The following FERRY3 variants were observed in gnomAD, a reference collection of about 807,000 sequenced individuals.
FERRY3 encodes the protein FERRY endosomal RAB5 effector complex subunit 3.
At chr12:4,490,512 G>T in the FERRY3 span, 22 of 1,590,820 alleles carry the variant, frequency 1.4e-5, 2 homozygotes, top group Middle Eastern at 1.2e-3. Flanking sequence ...GATCTATTCA[G>T]ATAACATACC....
chr12:4,502,466 T>A, the FERRY3 span: 1 of 446,758 alleles, frequency 2.2e-6, no homozygotes, highest in South Asian at 1.6e-5. This position sits in a 1 kb window ranked among gnomAD's most constrained non-coding sequence, Gnocchi z 4.2. Context: ...CTCATCAGCT[T>A]GTATTTTCTG....
the FERRY3 span, chr12:4,518,769 C>A: frequency 6.6e-7 from 1 of 1,504,510 alleles, no homozygotes; most frequent in Non-Finnish European, 9.1e-7. Flanking sequence ...AATTAACACA[C>A]TTACCTAAGT....
the FERRY3 span, among the ~76,000 whole-genome samples, chr12:4,524,514 G>GAAA: frequency 8.2e-6 from 1 of 121,520 alleles, no homozygotes. Flanking sequence ...GGTACACAAC[G>GAAA]AAAAAAAAAA....
the FERRY3 span, among the ~76,000 whole-genome samples, chr12:4,493,124 T>C: frequency 6.6e-6 from 1 of 152,188 alleles, no homozygotes; most frequent in Non-Finnish European, 1.5e-5. Context: ...TATTTCCTAT[T>C]TTTCCAGCTA....
the FERRY3 span, chr12:4,505,529 T>A: frequency 1.6e-6 from 1 of 617,004 alleles, no homozygotes; most frequent in Non-Finnish European, 2.9e-6. Context: ...ACATGGATGA[T>A]GTCATTTAAT....
chr12:4,490,894 A>G, the FERRY3 span, among the ~76,000 whole-genome samples: 2 of 152,154 alleles, frequency 1.3e-5, no homozygotes, highest in South Asian at 4.1e-4. Flanking sequence ...ATGTGGCTCT[A>G]TTTTTTTTCT....
chr12:4,527,331 TCATATAGTTG>T, the FERRY3 span, among the ~76,000 whole-genome samples: 1 of 152,046 alleles, frequency 6.6e-6, no homozygotes, highest in African/African-American at 2.4e-5. Flanking sequence ...AACTAGCTAA[TCATATAGTTG>T]ATGATACAAT....
At chr12:4,511,031 A>C in the FERRY3 span, among the ~76,000 whole-genome samples, 23 of 149,976 alleles carry the variant, frequency 1.5e-4, no homozygotes, top group African/African-American at 4.9e-4. Flanking sequence ...CTCAAAATAA[A>C]AGGATGGAGG....
the FERRY3 span, chr12:4,516,953 T>C: frequency 2.0e-6 from 2 of 1,023,558 alleles, no homozygotes; most frequent in Non-Finnish European, 2.6e-6. Flanking sequence ...AATTTTGTTT[T>C]TAATTTCCTA....
At chr12:4,505,202 A>G in the FERRY3 span, 1 of 731,156 alleles carries the variant, frequency 1.4e-6, no homozygotes, top group Non-Finnish European at 2.3e-6. Flanking sequence ...ATATAATGAC[A>G]TATACTAAAA....
the FERRY3 span, among the ~76,000 whole-genome samples, chr12:4,533,395 C>T: frequency 6.6e-6 from 1 of 152,178 alleles, no homozygotes; most frequent in Non-Finnish European, 1.5e-5. Context: ...CCTATTTCCA[C>T]ACTCCCACAT....
chr12:4,525,400 G>T, the FERRY3 span: 9 of 1,601,756 alleles, frequency 5.6e-6, no homozygotes, highest in Non-Finnish European at 7.7e-6. Flanking sequence ...ATACCAACTG[G>T]TTAATTTTTT....
the FERRY3 span, chr12:4,516,920 T>C: frequency 1.2e-6 from 1 of 820,874 alleles, no homozygotes; most frequent in South Asian, 5.9e-5. Context: ...TCTTTCTAAA[T>C]AGAAAAAACT....
At chr12:4,490,644 C>T in the FERRY3 span, 2 of 1,373,494 alleles carry the variant, frequency 1.5e-6, no homozygotes, top group South Asian at 1.2e-5. Context: ...TCAAACCTAC[C>T]AGTCACTTAC....
At chr12:4,509,974 G>C in the FERRY3 span, among the ~76,000 whole-genome samples, 2 of 137,628 alleles carry the variant, frequency 1.5e-5, no homozygotes, top group Non-Finnish European at 3.0e-5. Flanking sequence ...TCAAACCAAA[G>C]GCAAAGAAGT....
At chr12:4,536,088 A>T in the FERRY3 span, 1 of 1,610,266 alleles carries the variant, frequency 6.2e-7, no homozygotes, top group Non-Finnish European at 8.5e-7. Context: ...ATTCTCTTGA[A>T]CAGGAAATTT....
the FERRY3 span, among the ~76,000 whole-genome samples, chr12:4,490,059 A>G: frequency 3.3e-5 from 5 of 152,272 alleles, no homozygotes; most frequent in Non-Finnish European, 7.4e-5. Flanking sequence ...ATGGCCATGG[A>G]CAAGGGCTGG....
the FERRY3 span, among the ~76,000 whole-genome samples, chr12:4,514,274 G>A: frequency 6.7e-6 from 1 of 150,290 alleles, no homozygotes; most frequent in Non-Finnish European, 1.5e-5. Flanking sequence ...TGGAGAAATA[G>A]GAACACTTTT....
the FERRY3 span, among the ~76,000 whole-genome samples, chr12:4,519,778 A>G: frequency 1.3e-5 from 2 of 152,192 alleles, no homozygotes; most frequent in Non-Finnish European, 2.9e-5. This position sits in a 1 kb window ranked among gnomAD's most constrained non-coding sequence, Gnocchi z 4.3. Flanking sequence ...AGGTTCTCAT[A>G]GGAGCGTGAA....
Sources: allele counts gnomAD v4.1 joint callset (sites outside exome capture counted in the v4.1 genomes callset), GRCh38; gene constraint gnomAD v4.1.1; non-coding constraint Gnocchi (gnomAD v3.1); transcripts MANE v1.5; gene names NCBI Gene and HGNC (gene_info 2026-07-23, HGNC 2026-07-21).